Variants in TLL1 observed in about 807,000 individuals in gnomAD.
TLL1 encodes tolloid like 1.
Under a neutral mutation model 128.2 loss-of-function variants are expected in TLL1, and 49 were observed. The ratio of observed to expected loss-of-function variants is 0.38; its 90% CI spans 0.30 to 0.48. The LOEUF is 0.48. Among genes scored for constraint, TLL1 ranks in the 20% least tolerant of loss-of-function variants. TLL1 has a pLI of 0.96. For synonymous variants in TLL1, 454 were observed against 418.8 expected (o/e 1.08, Z -1.03); for missense variants, 1,123 against 1,242.0 (o/e 0.90, Z 1.44).
At chr4:165,997,139 C>T (rs1736920361) in intron 5 of TLL1, among the ~76,000 whole-genome samples, 1 of 151,954 alleles carries the variant, frequency 6.6e-6, no homozygotes, top group Non-Finnish European at 1.5e-5. Flanking sequence ...TTTCATAAAA[C>T]ATCATATTTC....
chr4:166,064,286 A>G (rs1239368622), intron 15 of TLL1, among the ~76,000 whole-genome samples: 1 of 152,078 alleles, frequency 6.6e-6, no homozygotes. Flanking sequence ...GTGTTGAATG[A>G]CATCTACTCC....
In TLL1 at chr4:166,060,195, G is replaced by T; in HGVS notation, c.2007+7G>T. The stretch of plus-strand genomic sequence containing the variant: ...TGAATTGGAAGGCAATGAAGTAAGT[G>T]AACAATAACTGTAATTTTTTAAATC... On this transcript the variant is annotated splice_region_variant and intron_variant, in intron 15 of 20. Coordinates refer to ENST00000061240, the MANE Select transcript of TLL1 (RefSeq NM_012464.5). The T allele has an allele frequency of 2.5e-6, 4 of 1,612,350 alleles. No homozygotes were observed. The highest frequency in any genetic ancestry group is 3.4e-6 in the Non-Finnish European group (4 of 1,179,442).
At chr4:166,055,327 G>A (rs1461993202) in intron 13 of TLL1, 56 bp downstream of exon 13, 2 of 1,494,364 alleles carry the variant, frequency 1.3e-6, no homozygotes, top group African/African-American at 2.8e-5. Context: ...TACTTGTAGT[G>A]TTTAGCTTTG....
intron 1 of TLL1, among the ~76,000 whole-genome samples, chr4:165,888,558 T>C (rs567675125): frequency 4.1e-4 from 62 of 152,232 alleles, no homozygotes; most frequent in African/African-American, 1.5e-3. Context: ...GAAAATATTT[T>C]TTTTTTTTGC....
rs777454138 is a variant in TLL1 at position 166,044,443 on chromosome 4, A to G, written c.1524+1024A>G. 44 of 1,534,538 alleles carry G rather than the reference A, an allele frequency of 2.9e-5. 1 individual carries two copies. The East Asian group carries it at 9.8e-4, about 34-fold the overall frequency. On this transcript the variant is annotated intron_variant, in intron 12 of 20. Coordinates refer to ENST00000061240, the MANE Select transcript of TLL1 (RefSeq NM_012464.5). The stretch of plus-strand genomic sequence containing the variant: ...CCTCATCTGGAAGCCTGTAAATTCT[A>G]TTTCTTCAGTACTTGTCTCTGTCCC...
At chr4:166,029,317 T>A (rs796538024) in intron 9 of TLL1, among the ~76,000 whole-genome samples, 16 of 152,084 alleles carry the variant, frequency 1.1e-4, no homozygotes, top group African/African-American at 3.9e-4. Context: ...TTATCCCAAT[T>A]CAAAAAAGGA....
intron 19 of TLL1, among the ~76,000 whole-genome samples, chr4:166,092,303 G>A (rs1407893605): frequency 6.6e-6 from 1 of 151,698 alleles, no homozygotes; most frequent in African/African-American, 2.4e-5. Context: ...TTTCATTCTA[G>A]TATATTTTAT....
chr4:166,072,856 C>A (rs1740853639), intron 16 of TLL1, among the ~76,000 whole-genome samples: 1 of 151,988 alleles, frequency 6.6e-6, no homozygotes, highest in Non-Finnish European at 1.5e-5. Context: ...TGCCTCCACA[C>A]TGTTCGTCTC....
intron 19 of TLL1, among the ~76,000 whole-genome samples, chr4:166,094,803 C>T (rs1741943871): frequency 6.6e-6 from 1 of 152,002 alleles, no homozygotes; most frequent in Non-Finnish European, 1.5e-5. Flanking sequence ...CTTATGTCTG[C>T]TTTTATTTCT....
chr4:165,892,459 A>T (rs1009913956), intron 1 of TLL1, among the ~76,000 whole-genome samples: 1 of 152,198 alleles, frequency 6.6e-6, no homozygotes, highest in Non-Finnish European at 1.5e-5. Context: ...AATTCCAATT[A>T]TCATGCTTGA....
At chr4:166,006,860 T>A (rs1383578409) in intron 6 of TLL1, among the ~76,000 whole-genome samples, 2 of 151,742 alleles carry the variant, frequency 1.3e-5, no homozygotes, top group East Asian at 3.9e-4. Context: ...TACCCCACAT[T>A]TCCTTTATCA....
chr4:166,093,170 G>A (rs1163051714), intron 19 of TLL1, among the ~76,000 whole-genome samples: 2 of 152,110 alleles, frequency 1.3e-5, no homozygotes, highest in Admixed American at 1.3e-4. Flanking sequence ...AAATAATAGT[G>A]GGCCCAGGAG....
chr4:166,100,503 A>G (rs1328680131), intron 20 of TLL1, among the ~76,000 whole-genome samples: 5 of 152,104 alleles, frequency 3.3e-5, no homozygotes, highest in African/African-American at 7.2e-5. Context: ...AATGTAACGT[A>G]TGTTCAGAGC....
At chr4:166,014,312 A>T in intron 7 of TLL1, 124 bp from the exon 8 acceptor site, 1 of 1,430,474 alleles carries the variant, frequency 7.0e-7, no homozygotes, top group Non-Finnish European at 9.8e-7. Flanking sequence ...TACACTGCTT[A>T]AAGCACACAA....
chr4:165,941,803 C>A (rs1156683793), intron 1 of TLL1, among the ~76,000 whole-genome samples: 1 of 152,034 alleles, frequency 6.6e-6, no homozygotes, highest in Non-Finnish European at 1.5e-5. Context: ...TACTGCATTT[C>A]ATAGGCCACT....
chr4:166,043,128 A>T, intron 11 of TLL1, 146 bp from the exon 12 acceptor site: 1 of 1,009,770 alleles, frequency 9.9e-7, no homozygotes, highest in Middle Eastern at 3.1e-4. Context: ...TATTTGCTAC[A>T]TTACAACCAG....
At chr4:166,056,649 A>G (rs1740020378) in intron 13 of TLL1, among the ~76,000 whole-genome samples, 1 of 152,174 alleles carries the variant, frequency 6.6e-6, no homozygotes. Flanking sequence ...ATGTAAAATT[A>G]GCATTGCTGA....
At chr4:166,089,529 C>T (rs770332819) in intron 18 of TLL1, among the ~76,000 whole-genome samples, 36 of 152,128 alleles carry the variant, frequency 2.4e-4, no homozygotes, top group Non-Finnish European at 1.2e-4. Context: ...CAGAGATTAA[C>T]AAGTGACACA....
chr4:165,941,443 A>C (rs76654066), intron 1 of TLL1, among the ~76,000 whole-genome samples: 2,456 of 152,266 alleles, frequency 0.016, 60 homozygotes, highest in African/African-American at 0.049. Flanking sequence ...TGGATGAACC[A>C]AAAGTGCAAG....
Sources: allele counts gnomAD v4.1 joint callset (sites outside exome capture counted in the v4.1 genomes callset), GRCh38; gene constraint gnomAD v4.1.1; transcripts MANE v1.5; gene names NCBI Gene and HGNC (gene_info 2026-07-23, HGNC 2026-07-21).